NTMT2: variants seen among roughly 807,000 people sequenced by gnomAD.
NTMT2 encodes X-Pro-Lys N-terminal protein methyltransferase 1B.
NTMT2 carries 21 observed loss-of-function variants against 23.4 expected under a neutral mutation model. That is an observed-to-expected ratio of 0.90 (90% CI 0.64 to 1.29). The LOEUF is 1.29. Among genes scored for constraint, NTMT2 ranks in the 50% most tolerant of loss-of-function variants. The pLI is 0.00. For missense variants in NTMT2, 336 were observed against 352.0 expected, an observed-to-expected ratio of 0.95 and a Z score of 0.36; for synonymous variants, 131 against 127.7, an observed-to-expected ratio of 1.03 and a Z score of -0.17.
At chr1:170,166,305 A>AG (rs1673384347) in intron 2 of NTMT2, among the ~76,000 whole-genome samples, 197 bp from the exon 3 acceptor site, 2 of 65,496 alleles carry the variant, frequency 3.1e-5, no homozygotes, top group Non-Finnish European at 7.8e-5. Flanking sequence ...ACGCCCGGCT[A>AG]ATTTTTTTTG....
At chr1:170,167,079 C>A (rs576618699) in intron 3 of NTMT2, among the ~76,000 whole-genome samples, 1 of 152,104 alleles carries the variant, frequency 6.6e-6, no homozygotes, top group Admixed American at 6.5e-5. Flanking sequence ...AAGGTTAATC[C>A]CCATTTATTG....
rs77110580 is a variant in NTMT2, at chr1:170,160,592, C to A, written c.229C>A (p.Gln77Lys). 1 of 1,551,354 alleles carries A rather than the reference C, an allele frequency of 6.4e-7. No individual in the cohort carries two copies. Among genetic ancestry groups the A allele is most frequent in the Non-Finnish European group, 8.7e-7 (1 of 1,146,826 alleles). ...QFYARAKLFYQEVPATEEGMM... is the reference protein window; with the variant it reads ...QFYARAKLFYKEVPATEEGMM... Reference sequence around the variant, plus strand: ...CTATGCCAGAGCTAAACTTTTCTACCAAGAAGTACCAGCCACAGAAGAGGG... The same window carrying A: ...CTATGCCAGAGCTAAACTTTTCTACAAAGAAGTACCAGCCACAGAAGAGGG... The change falls in exon 2 of 4, where the codon CAA (glutamine) becomes AAA (lysine). Residue 77 changes from glutamine to lysine, a missense_variant. Coordinates refer to ENST00000439373, the MANE Select transcript of NTMT2 (RefSeq NM_001136107.2).
chr1:170,162,908 A>G lies in NTMT2; in HGVS notation c.330+2215A>G, dbSNP rs528711035. ...TATTTATTTACTTTTTTGGTGGACC[A>G]TAGACCTCGACTCTCCTCCAGTCTG... is the stretch of plus-strand genomic sequence containing the variant. On this transcript the variant is annotated intron_variant, in intron 2 of 3. Transcript: ENST00000439373. Among the ~76,000 whole-genome samples, 53 of 152,080 alleles carry G rather than the reference A, an allele frequency of 3.5e-4. No individual in the cohort carries two copies. In the South Asian group the frequency reaches 0.01, roughly 30 times the overall value.
chr1:170,151,912 T>C (rs1673075972), intron 1 of NTMT2, among the ~76,000 whole-genome samples: 1 of 152,176 alleles, frequency 6.6e-6, no homozygotes, highest in Non-Finnish European at 1.5e-5. Context: ...CATATAAACA[T>C]GTTTGATCAT....
intron 2 of NTMT2, among the ~76,000 whole-genome samples, chr1:170,166,140 C>CCTTTTT (rs1179287857): frequency 1.5e-5 from 1 of 67,792 alleles, no homozygotes; most frequent in Non-Finnish European, 2.9e-5. Context: ...TTTTTTTTTT[C>CCTTTTT]TTTTTTTTTT....
chr1:170,164,526 A>G (rs1289548269), intron 2 of NTMT2, among the ~76,000 whole-genome samples: 2 of 152,212 alleles, frequency 1.3e-5, no homozygotes, highest in Non-Finnish European at 2.9e-5. Flanking sequence ...TTTAGTCTAA[A>G]TTATATTTGA....
intron 2 of NTMT2, chr1:170,161,609 A>C (rs964891560): frequency 3.9e-5 from 6 of 152,362 alleles, no homozygotes; most frequent in Non-Finnish European, 7.3e-5. Flanking sequence ...TGACTAGGGC[A>C]TGACAATAGA....
chr1:170,146,722 C>T (rs1672970840), intron 1 of NTMT2, among the ~76,000 whole-genome samples: 1 of 152,168 alleles, frequency 6.6e-6, no homozygotes, highest in South Asian at 2.1e-4. Context: ...TGCTTGTGTA[C>T]ACACTTACAA....
intron 1 of NTMT2, chr1:170,158,037 T>C (rs1673198811): frequency 6.6e-6 from 1 of 152,142 alleles, no homozygotes; most frequent in Non-Finnish European, 1.5e-5. Context: ...TCATCTTTCA[T>C]CGTGCATCTT....
chr1:170,152,809 C>A (rs1249235472), intron 1 of NTMT2, among the ~76,000 whole-genome samples: 1 of 152,126 alleles, frequency 6.6e-6, no homozygotes, highest in Non-Finnish European at 1.5e-5. Flanking sequence ...TTTTCACATG[C>A]ATTATCTCAT....
intron 1 of NTMT2, among the ~76,000 whole-genome samples, chr1:170,156,466 G>A (rs1266420804): frequency 6.6e-6 from 1 of 152,082 alleles, no homozygotes; most frequent in Admixed American, 6.6e-5. Context: ...CAAGTAAACA[G>A]TGGAAGGTCC....
intron 1 of NTMT2, among the ~76,000 whole-genome samples, chr1:170,158,557 A>T (rs10919309): frequency 0.33 from 50,335 of 151,738 alleles, 9,323 homozygotes; most frequent in African/African-American, 0.48. Flanking sequence ...TGGCTTTAAA[A>T]AAAAATCTAT....
Position 170,160,661 on chromosome 1 carries a change from G to T in NTMT2, c.298G>T (p.Ala100Ser), listed in dbSNP as rs1168055699. 1 of 1,531,030 alleles carries T rather than the reference G, an allele frequency of 6.5e-7. No homozygotes were observed. Among genetic ancestry groups the T allele is most frequent in the Non-Finnish European group, 8.8e-7 (1 of 1,141,372 alleles). 94.8% of individuals were successfully genotyped at this position (1,531,030 alleles called of 1,614,324 possible). Reference sequence around the variant, plus strand: ...TGAACTGTCCAGCCCAGACATCCAGGCCTCTCAGAAATTTCTTAGGAAATT... The same window carrying T: ...TGAACTGTCCAGCCCAGACATCCAGTCCTCTCAGAAATTTCTTAGGAAATT... ...FIELSSPDIQ[A>S]SQKFLRKFVG... Residue 100 changes from alanine to serine, a missense_variant, in exon 2 of 4, where the codon GCC becomes TCC. Transcript: ENST00000439373.
chr1:170,155,653 C>T (rs56919297), intron 1 of NTMT2, among the ~76,000 whole-genome samples: 2,923 of 151,936 alleles, frequency 0.019, 77 homozygotes, highest in South Asian at 0.074. Context: ...AATTGACAAA[C>T]AGGTCTAATA....
At position 170,167,850 on chromosome 1, in the gene NTMT2, T is replaced by C; in HGVS notation, c.*93T>C. 1 of 1,363,222 alleles carries C rather than the reference T, an allele frequency of 7.3e-7. No homozygotes were observed. The highest frequency in any genetic ancestry group is 9.8e-7 in the Non-Finnish European group (1 of 1,019,846). 84.4% of individuals were successfully genotyped at this position (1,363,222 alleles called of 1,614,324 possible). On this transcript the variant is annotated 3_prime_UTR_variant, in exon 4 of 4. Coordinates refer to ENST00000439373, the MANE Select transcript of NTMT2 (RefSeq NM_001136107.2). ...GTGCCCCTTGTAATGCAGATAGGGA[T>C]GGCAAGAAAAGGGATACAACATATG...
chr1:170,146,121 G>GA lies in NTMT2; in HGVS notation c.15dup (p.Ala6SerfsTer6). 6.4e-7 allele frequency: 1 copy of GA among 1,551,156 alleles called. No homozygotes were observed. Among genetic ancestry groups the GA allele is most frequent in the South Asian group, 1.2e-5 (1 of 83,922 alleles). On this transcript the variant is annotated frameshift_variant, in exon 1 of 4. Coordinates refer to ENST00000439373, the MANE Select transcript of NTMT2 (RefSeq NM_001136107.2). LOFTEE classifies it high-confidence loss of function. ...TCCCCCTTTGTCATGGCCCACCGGG[G>GA]AGCCCATTTTGCCTTTAGATCCCGC... is the stretch of plus-strand genomic sequence containing the variant.
intron 1 of NTMT2, among the ~76,000 whole-genome samples, chr1:170,159,889 C>T (rs538770014): frequency 3.0e-4 from 45 of 152,168 alleles, no homozygotes; most frequent in African/African-American, 1.0e-3. Flanking sequence ...AATGAAATGA[C>T]AAAGTATATG....
chr1:170,148,645 G>C (rs1048664957), intron 1 of NTMT2, among the ~76,000 whole-genome samples: 3 of 152,092 alleles, frequency 2.0e-5, no homozygotes, highest in Admixed American at 1.3e-4. Flanking sequence ...ATATGGACTG[G>C]GATAGGCTGC....
intron 1 of NTMT2, 133 bp downstream of exon 1, chr1:170,146,394 T>G (rs1405983862): frequency 1.3e-6 from 1 of 791,218 alleles, no homozygotes; most frequent in Non-Finnish European, 2.0e-6. Context: ...CCAATGTCAC[T>G]GGGCTGAAAT....
Sources: allele counts gnomAD v4.1 joint callset (sites outside exome capture counted in the v4.1 genomes callset), GRCh38; gene constraint gnomAD v4.1.1; transcripts MANE v1.5; gene names NCBI Gene and HGNC (gene_info 2026-07-23, HGNC 2026-07-21).